The following RAP1GAP2 variants were observed in gnomAD, a reference collection of about 807,000 sequenced individuals.
RAP1GAP2 encodes RAP1 GTPase activating protein 2.
RAP1GAP2 carries 27 observed loss-of-function variants against 95.0 expected under a neutral mutation model. That is an observed-to-expected ratio of 0.28 (90% CI 0.21 to 0.39). The LOEUF (loss-of-function observed/expected upper bound fraction) is 0.39, where lower values mean the gene tolerates loss of function less well. Among genes scored for constraint, RAP1GAP2 ranks in the 10% least tolerant of loss-of-function variants. RAP1GAP2 has a pLI of 1.00. For missense variants in RAP1GAP2, 771 were observed against 970.0 expected, an observed-to-expected ratio of 0.79 and a Z score of 2.72; for synonymous variants, 373 against 380.9, an observed-to-expected ratio of 0.98 and a Z score of 0.24.
At chr17:3,011,489 G>A (rs1040626809) in intron 17 of RAP1GAP2, among the ~76,000 whole-genome samples, 30 of 152,234 alleles carry the variant, frequency 2.0e-4, no homozygotes, top group Admixed American at 1.9e-3. Flanking sequence ...CGGTGCTGCT[G>A]TGTCAACAGG....
upstream of RAP1GAP2, among the ~76,000 whole-genome samples, chr17:2,793,799 C>T (rs984043236): frequency 6.6e-6 from 1 of 152,120 alleles, no homozygotes; most frequent in Non-Finnish European, 1.5e-5. Context: ...TCAGATGATG[C>T]CCTTGAGACT....
At chr17:2,961,890 A>AT (rs34857082) in intron 4 of RAP1GAP2, among the ~76,000 whole-genome samples, 12,972 of 111,942 alleles carry the variant, frequency 0.12, 644 homozygotes, top group South Asian at 0.17. Context: ...GACCCTAAGG[A>AT]TTTTTTTTTT....
intron 4 of RAP1GAP2, among the ~76,000 whole-genome samples, chr17:2,961,009 A>G (rs1362582227): frequency 6.6e-6 from 1 of 152,040 alleles, no homozygotes; most frequent in Non-Finnish European, 1.5e-5. Context: ...TGAGGTTGGG[A>G]GTTCAAGACC....
At chr17:2,880,045 CTGATCGTGACAACTG>C (rs2073230955) in intron 2 of RAP1GAP2, among the ~76,000 whole-genome samples, 1 of 152,104 alleles carries the variant, frequency 6.6e-6, no homozygotes, top group South Asian at 2.1e-4. Flanking sequence ...AGGCATCAGA[CTGATCGTGACAACTG>C]AGGGGCTGGG....
intron 3 of RAP1GAP2, among the ~76,000 whole-genome samples, chr17:2,915,540 C>T (rs2042543001): frequency 6.6e-6 from 1 of 152,182 alleles, no homozygotes; most frequent in Non-Finnish European, 1.5e-5. Context: ...TGGCCCATTT[C>T]TTTTCTTAAC....
intron 2 of RAP1GAP2, among the ~76,000 whole-genome samples, 159 bp from the exon 3 acceptor site, chr17:2,905,125 C>T (rs576165354): frequency 3.3e-5 from 5 of 152,338 alleles, no homozygotes; most frequent in South Asian, 2.1e-4. Flanking sequence ...TCAGGTGATC[C>T]GTCTGCCTCG....
rs1301335702 is a variant in RAP1GAP2, at chr17:2,904,178, C to T, written c.81-1106C>T. On this transcript the variant is annotated intron_variant, in intron 2 of 24. Coordinates refer to ENST00000254695, the MANE Select transcript of RAP1GAP2 (RefSeq NM_015085.5). The surrounding 1 kb of genome is among the most constrained non-coding windows in gnomAD (Gnocchi z 4.7). ...ACGGTTCTCCCAGCCCCCTCGTCCC[C>T]TCCTGGGTACAGCCAGAGCTTGTTC... Among the ~76,000 whole-genome samples the T allele has an allele frequency of 6.6e-6, 1 of 152,180 alleles. No individual in the cohort carries two copies. Among genetic ancestry groups the T allele is most frequent in the Non-Finnish European group, 1.5e-5 (1 of 68,028 alleles).
chr17:2,845,235 C>G (rs905150205), intron 2 of RAP1GAP2, among the ~76,000 whole-genome samples: 2 of 152,112 alleles, frequency 1.3e-5, no homozygotes, highest in Non-Finnish European at 2.9e-5. Context: ...CTCTGCCTCC[C>G]GGGTTCAAGT....
intron 2 of RAP1GAP2, among the ~76,000 whole-genome samples, chr17:2,886,549 C>A (rs982966004): frequency 6.6e-6 from 1 of 152,142 alleles, no homozygotes; most frequent in African/African-American, 2.4e-5. Context: ...TTGTAACAAT[C>A]CAAGAATGGG....
In RAP1GAP2 at chr17:2,797,893, C is replaced by G; in HGVS notation, c.44+1322C>G. ...CAGGGCCCAGCAATTAGATTGTGCC[C>G]TCCAAGGCCCGCCTTTCTCTGGGAG... is the stretch of plus-strand genomic sequence containing the variant. On this transcript the variant is annotated intron_variant, in intron 1 of 24. Transcript: ENST00000254695. The surrounding 1 kb of genome is among the most constrained non-coding windows in gnomAD (Gnocchi z 5.6). The G allele has an allele frequency of 1.6e-6, 1 of 630,330 alleles. No individual in the cohort carries two copies. The highest frequency in any genetic ancestry group is 2.0e-6 in the Non-Finnish European group (1 of 505,982). 39.0% of individuals were successfully genotyped at this position (630,330 alleles called of 1,614,324 possible). A position where few individuals can be genotyped will look rare whatever the true frequency, so the allele number is the denominator to read the frequency against.
Position 3,005,902 on chromosome 17 carries a change from CT to C in RAP1GAP2, c.1273-51del. 6.5e-7 allele frequency: 1 copy of C among 1,544,006 alleles called. No individual in the cohort carries two copies. On this transcript the variant is annotated intron_variant, in intron 15 of 24. Transcript: ENST00000254695. The surrounding 1 kb of genome is among the most constrained non-coding windows in gnomAD (Gnocchi z 5.2). ...CCTGCCTGTCACTGTGGCTGAAGAC[CT>C]TCTGGCAACAGCCGAGAGTGACAGA...
chr17:2,851,944 C>T lies in RAP1GAP2; in HGVS notation c.80+51394C>T, dbSNP rs1356280534. ...TGCTGGGAAGGAGGATCAGGCCTTC[C>T]GTTGAGGTGCAGCCTTCTGTGTGTG... On this transcript the variant is annotated intron_variant, in intron 2 of 24. Transcript: ENST00000254695. Among the ~76,000 whole-genome samples the T allele has an allele frequency of 3.3e-5, 5 of 152,270 alleles. No individual in the cohort carries two copies. The South Asian group carries it at 6.2e-4, about 19-fold the overall frequency.
intron 2 of RAP1GAP2, among the ~76,000 whole-genome samples, chr17:2,828,076 C>T (rs11657531): frequency 0.41 from 61,756 of 152,126 alleles, 12,875 homozygotes; most frequent in Non-Finnish European, 0.47. Context: ...TGCGGTGGCT[C>T]ACGCCTGTCA....
intron 17 of RAP1GAP2, among the ~76,000 whole-genome samples, chr17:3,011,678 G>A (rs1210159589): frequency 1.4e-5 from 2 of 142,298 alleles, no homozygotes; most frequent in East Asian, 4.3e-4. Context: ...GGAGTGCAGT[G>A]GTGCGACCTC....
At chr17:2,768,824 C>T (rs1335257639) in intron 1 of RAP1GAP2, among the ~76,000 whole-genome samples, 3 of 151,892 alleles carry the variant, frequency 2.0e-5, no homozygotes, top group Non-Finnish European at 4.4e-5. Flanking sequence ...CTGATCCTTC[C>T]ATAGAACAGC....
chr17:2,879,001 G>T (rs1033795523), intron 2 of RAP1GAP2, among the ~76,000 whole-genome samples: 14 of 152,330 alleles, frequency 9.2e-5, no homozygotes, highest in African/African-American at 3.4e-4. Flanking sequence ...CCAGTGCTCA[G>T]TGAGGTTCTG....
At chr17:2,802,248 C>T (rs2069331858) in intron 2 of RAP1GAP2, among the ~76,000 whole-genome samples, 1 of 152,178 alleles carries the variant, frequency 6.6e-6, no homozygotes, top group Non-Finnish European at 1.5e-5. Flanking sequence ...ATGCAGGTCC[C>T]TGGGCAAAGT....
intron 13 of RAP1GAP2, 118 bp from the exon 14 acceptor site, chr17:2,998,103 T>C: frequency 8.5e-7 from 1 of 1,173,540 alleles, no homozygotes. Flanking sequence ...AACCACGAAC[T>C]CTTCTCACTC....
chr17:2,806,567 AT>A (rs939063105), intron 2 of RAP1GAP2, among the ~76,000 whole-genome samples: 19 of 145,222 alleles, frequency 1.3e-4, no homozygotes, highest in Admixed American at 3.4e-4. Context: ...TACTTTTTGT[AT>A]TTTTTTTTAG....
Sources: gnomAD v4.1 joint callset for allele counts (sites outside exome capture counted in the v4.1 genomes callset) on GRCh38, gnomAD v4.1.1 for gene constraint, Gnocchi (gnomAD v3.1) non-coding constraint, MANE v1.5 for transcripts, NCBI Gene and HGNC (gene_info 2026-07-23, HGNC 2026-07-21) for gene names.